CELF1: variants seen among roughly 807,000 people sequenced by gnomAD.
CELF1 encodes CUGBP Elav-like family member 1.
A neutral mutation model predicts 61.8 loss-of-function variants in CELF1; 10 were observed. The observed-to-expected ratio is 0.16, with a 90% CI of 0.10 to 0.27. CELF1 has a LOEUF of 0.27. Ranked by LOEUF, CELF1 falls within the 10% of genes least tolerant of loss-of-function variation. CELF1 has a pLI of 1.00. For synonymous variants in CELF1, 236 were observed against 225.1 expected, an observed-to-expected ratio of 1.05 and a Z score of -0.43; for missense variants, 380 against 639.1, an observed-to-expected ratio of 0.59 and a Z score of 4.37.
intron 3 of CELF1, among the ~76,000 whole-genome samples, chr11:47,489,935 G>GTTTGTTTTTTTTTTTTTTTT (rs2090214135): frequency 2.1e-5 from 1 of 48,226 alleles, no homozygotes; most frequent in Non-Finnish European, 3.9e-5. Flanking sequence ...ATACCATCTT[G>GTTTGTTTTTTTTTTTTTTTT]TTTTTTTTTT....
Position 47,558,235 on chromosome 11 carries a change from G to C in CELF1, c.-11+6116C>G, listed in dbSNP as rs992791750. Among the ~76,000 whole-genome samples, 5 of 151,868 alleles carry C rather than the reference G, an allele frequency of 3.3e-5. No homozygotes were observed. In the South Asian group the frequency reaches 8.3e-4, roughly 25 times the overall value. On this transcript the variant is annotated intron_variant, in intron 2 of 3. Coordinates refer to the CELF1 transcript ENST00000525841. ...ACTGCATCACATCTGGAGGCCTATA[G>C]CCTATGATGTCAAGTTGTCTGTCCT...
chr11:47,539,785 CCT>C (rs1186944664), intron 1 of CELF1, among the ~76,000 whole-genome samples: 1 of 152,136 alleles, frequency 6.6e-6, no homozygotes, highest in Non-Finnish European at 1.5e-5. Flanking sequence ...GGATGGCTGC[CCT>C]CTCTCCAGAG....
chr11:47,480,415 T>A (rs1452026909), intron 9 of CELF1, among the ~76,000 whole-genome samples: 1 of 152,162 alleles, frequency 6.6e-6, no homozygotes, highest in East Asian at 1.9e-4. Flanking sequence ...TTGGGCTATG[T>A]GTTCAGTCCT....
At chr11:47,552,032 G>T (rs940476977) in intron 1 of CELF1, among the ~76,000 whole-genome samples, 15 of 147,954 alleles carry the variant, frequency 1.0e-4, no homozygotes, top group Non-Finnish European at 7.5e-5. Context: ...AAAAAAAAAA[G>T]ATGAAGTTCT....
intron 1 of CELF1, among the ~76,000 whole-genome samples, chr11:47,525,977 G>C (rs2096220061): frequency 6.6e-6 from 1 of 151,304 alleles, no homozygotes; most frequent in Non-Finnish European, 1.5e-5. Flanking sequence ...AGAGAAGAGA[G>C]ACTGAGAACA....
At chr11:47,547,181 C>G (rs1015673951) in intron 1 of CELF1, among the ~76,000 whole-genome samples, 2 of 149,824 alleles carry the variant, frequency 1.3e-5, no homozygotes, top group African/African-American at 4.9e-5. Flanking sequence ...TTTGGATTAT[C>G]GTTATAGACC....
chr11:47,525,903 G>A (rs1267400549), intron 1 of CELF1, among the ~76,000 whole-genome samples: 15 of 147,118 alleles, frequency 1.0e-4, no homozygotes, highest in African/African-American at 3.8e-4. Context: ...AATGTGGCGA[G>A]AACCCGTCTC....
upstream of CELF1, among the ~76,000 whole-genome samples, chr11:47,555,589 C>G (rs1249448850): frequency 2.0e-5 from 3 of 152,092 alleles, no homozygotes; most frequent in Non-Finnish European, 4.4e-5. Flanking sequence ...AGGGTTTCAG[C>G]AACATAGACA....
At chr11:47,519,152 C>T (rs1028860383) in intron 1 of CELF1, among the ~76,000 whole-genome samples, 1 of 152,144 alleles carries the variant, frequency 6.6e-6, no homozygotes, top group South Asian at 2.1e-4. Flanking sequence ...CCCTAAAGGA[C>T]GCACAGCCCT....
intron 7 of CELF1, 99 bp from the exon 8 acceptor site, chr11:47,483,631 GAC>G: frequency 1.2e-6 from 1 of 836,644 alleles, no homozygotes; most frequent in South Asian, 1.4e-5. Flanking sequence ...TAGCAATACA[GAC>G]ACAGTCCCTG....
chr11:47,559,119 G>A (rs2097218192), intron 2 of CELF1, among the ~76,000 whole-genome samples: 1 of 144,572 alleles, frequency 6.9e-6, no homozygotes, highest in Non-Finnish European at 1.5e-5. Context: ...TTTTTGAGAC[G>A]GAGTCTTGCT....
intron 1 of CELF1, among the ~76,000 whole-genome samples, chr11:47,534,453 G>A (rs2096579078): frequency 1.3e-5 from 2 of 150,724 alleles, no homozygotes; most frequent in South Asian, 2.1e-4. Flanking sequence ...CTGGCCGGGC[G>A]CCATGGCTCA....
chr11:47,502,788 C>T lies in CELF1; in HGVS notation c.-153-1856G>A, dbSNP rs534122717. Among the ~76,000 whole-genome samples, 71 of 152,116 alleles carry T rather than the reference C, an allele frequency of 4.7e-4. 1 individual carries two copies. Among genetic ancestry groups the T allele is most frequent in the Admixed American group, 3.7e-3 (57 of 15,278 alleles). On this transcript the variant is annotated intron_variant, in intron 1 of 14. Transcript: ENST00000687097. ...CGGAGGTTGCAGTGAGCTGAGATTG[C>T]GCCACTGCACTCCAGCCTGGACGAC...
At chr11:47,480,267 A>G (rs1234763070) in intron 9 of CELF1, among the ~76,000 whole-genome samples, 1 of 152,072 alleles carries the variant, frequency 6.6e-6, no homozygotes, top group African/African-American at 2.4e-5. Flanking sequence ...TTGTATTTTT[A>G]GTAGAGACGG....
At chr11:47,472,995 C>A in intron 14 of CELF1, 93 bp downstream of exon 14, 1 of 1,425,938 alleles carries the variant, frequency 7.0e-7, no homozygotes, top group Non-Finnish European at 9.4e-7. Flanking sequence ...AACAACACCA[C>A]AAACTCATAT....
At chr11:47,475,999 ATTT>A (rs370220622) in intron 12 of CELF1, among the ~76,000 whole-genome samples, 6 of 142,676 alleles carry the variant, frequency 4.2e-5, no homozygotes, top group Admixed American at 1.4e-4. Flanking sequence ...CTATGTTCTA[ATTT>A]TTTTTTTTTT....
chr11:47,512,762 AC>A (rs1485130389), intron 1 of CELF1, among the ~76,000 whole-genome samples: 4 of 152,186 alleles, frequency 2.6e-5, no homozygotes, highest in Non-Finnish European at 5.9e-5. Context: ...TCTTCCTGTT[AC>A]ATGCCTAGCT....
At chr11:47,490,174 G>A (rs1202347715) in intron 3 of CELF1, among the ~76,000 whole-genome samples, 1 of 151,534 alleles carries the variant, frequency 6.6e-6, no homozygotes, top group Non-Finnish European at 1.5e-5. Flanking sequence ...GACCTCAGGT[G>A]ATCCACCCGC....
At chr11:47,553,813 TA>T (rs1235513846), upstream of CELF1, among the ~76,000 whole-genome samples, 2 of 118,678 alleles carry the variant, frequency 1.7e-5, no homozygotes, top group Admixed American at 9.0e-5. Context: ...AAAATATATA[TA>T]TATATTTTTT....
Sources: gnomAD v4.1 joint callset for allele counts (sites outside exome capture counted in the v4.1 genomes callset) on GRCh38, gnomAD v4.1.1 for gene constraint, MANE v1.5 for transcripts, NCBI Gene and HGNC (gene_info 2026-07-23, HGNC 2026-07-21) for gene names.